Variants in LTBP1 observed in about 807,000 individuals in gnomAD.
The protein encoded by LTBP1 is latent-transforming growth factor beta-binding protein 1.
In LTBP1, 129 loss-of-function variants were observed where a neutral mutation model predicts 207.6. The observed-to-expected ratio is 0.62, with a 90% confidence interval of 0.54 to 0.72. LTBP1 has a LOEUF of 0.72. Among genes scored for constraint, LTBP1 ranks in the 30% least tolerant of loss-of-function variants. The probability of loss-of-function intolerance (pLI) is 0.00; values close to 1 mark genes in which losing one functional copy is unlikely to be tolerated. For synonymous variants in LTBP1, 963 were observed against 833.7 expected (o/e 1.16, Z -2.67); for missense variants, 2,281 against 2,217.2 (o/e 1.03, Z -0.58).
At chr2:33,299,967 A>T (rs74570389) in intron 20 of LTBP1, among the ~76,000 whole-genome samples, 1 of 152,188 alleles carries the variant, frequency 6.6e-6, no homozygotes, top group Non-Finnish European at 1.5e-5. Context: ...AGAGTTCTTT[A>T]TACAACTGTT....
intron 16 of LTBP1, 53 bp from the exon 17 acceptor site, chr2:33,274,912 A>G: frequency 1.9e-6 from 3 of 1,573,078 alleles, no homozygotes; most frequent in Non-Finnish European, 2.6e-6. Context: ...GAACAGGGAA[A>G]CTAAGTTCTT....
rs1273606253 is a variant in LTBP1, at chr2:33,398,382, A to G, written c.5003A>G (p.Glu1668Gly). The change falls in exon 34 of 34, where the codon GAG (glutamate) becomes GGG (glycine). Residue 1668 changes from glutamate (E) to glycine (G), a missense_variant. By Grantham distance (98) the Glu-to-Gly change is moderately conservative (BLOSUM62 -2). This residue lies in a region of LTBP1 where 1,671 missense variants were observed against 1,634.8 expected (regional missense o/e 1.02). Transcript: ENST00000404816. ...ATTGCAGATGTAAATGAATGCGATG[A>G]GTTGAACAACCGGATGTCTCTCTGC... ...MTCVDVNECD[E>G]LNNRMSLCKN... 1 of 1,613,842 alleles carries G rather than the reference A, an allele frequency of 6.2e-7. No homozygotes were observed. Among genetic ancestry groups the G allele is most frequent in the Non-Finnish European group, 8.5e-7 (1 of 1,179,908 alleles).
chr2:33,343,915 A>G (rs919521122), intron 25 of LTBP1, among the ~76,000 whole-genome samples: 2 of 152,242 alleles, frequency 1.3e-5, no homozygotes, highest in Non-Finnish European at 2.9e-5. Context: ...TATCAAATTC[A>G]AGACTTTATA....
At chr2:33,209,517 CT>C (rs2090139913) in intron 7 of LTBP1, among the ~76,000 whole-genome samples, 1 of 152,186 alleles carries the variant, frequency 6.6e-6, no homozygotes, top group Admixed American at 6.6e-5. Flanking sequence ...CCATGTTGTG[CT>C]TCTTAAGCAG....
intron 5 of LTBP1, among the ~76,000 whole-genome samples, chr2:33,141,459 A>G (rs2082640474): frequency 6.6e-6 from 1 of 152,260 alleles, no homozygotes; most frequent in Non-Finnish European, 1.5e-5. Context: ...ATAAAAACAC[A>G]TTTTAAAAAT....
chr2:33,046,610 G>A (rs905067502), intron 3 of LTBP1, among the ~76,000 whole-genome samples: 26 of 152,170 alleles, frequency 1.7e-4, no homozygotes, highest in African/African-American at 6.3e-4. Context: ...TTGGTATCAG[G>A]ATGATGCTGG....
intron 5 of LTBP1, among the ~76,000 whole-genome samples, chr2:33,143,272 A>G (rs2082768983): frequency 6.6e-6 from 1 of 152,176 alleles, no homozygotes; most frequent in Non-Finnish European, 1.5e-5. Context: ...TGTTTCTTCC[A>G]CTACACTCTA....
intron 11 of LTBP1, 45 bp downstream of exon 11, chr2:33,252,889 T>C (rs751552238): frequency 3.3e-6 from 5 of 1,510,066 alleles, no homozygotes; most frequent in Non-Finnish European, 3.6e-6. Flanking sequence ...CCCAGCCACA[T>C]GAGTACACGG....
chr2:33,283,664 C>T (rs1179970486), intron 19 of LTBP1, among the ~76,000 whole-genome samples: 1 of 152,066 alleles, frequency 6.6e-6, no homozygotes, highest in Non-Finnish European at 1.5e-5. Flanking sequence ...TCTGGATCTC[C>T]TGACCTCGTG....
chr2:33,041,418 G>C (rs1573254781), intron 3 of LTBP1, among the ~76,000 whole-genome samples: 1 of 152,228 alleles, frequency 6.6e-6, no homozygotes, highest in East Asian at 1.9e-4. Flanking sequence ...CCAAGTAGCT[G>C]GGACTACAGG....
chr2:33,257,492 A>G lies in LTBP1; in HGVS notation c.2376A>G (p.Pro792=), dbSNP rs371500815. Residue 792 remains proline (P), a synonymous_variant, in exon 12 of 34, where the codon CCA becomes CCG. Coordinates refer to ENST00000404816, the MANE Select transcript of LTBP1 (RefSeq NM_206943.4). ...TGACCTTCTCCCGGGAACACGGGCC[A>G]GGAGTGGCGGAGCCAGAAGGTGAGA... ...EALTFSREHG[P]GVAEPEVATA... is the part of the protein sequence containing the mutation. The G allele has an allele frequency of 6.2e-7, 1 of 1,614,032 alleles. No individual in the cohort carries two copies. Among genetic ancestry groups the G allele is most frequent in the African/African-American group, 1.3e-5 (1 of 74,952 alleles).
chr2:32,957,862 T>TA (rs1422106609), intron 2 of LTBP1, among the ~76,000 whole-genome samples: 3 of 152,246 alleles, frequency 2.0e-5, no homozygotes, highest in Admixed American at 6.5e-5. Flanking sequence ...TCCTGCCTGT[T>TA]ACGGATTGAG....
intron 3 of LTBP1, among the ~76,000 whole-genome samples, chr2:33,037,894 T>A (rs2076001257): frequency 6.6e-6 from 1 of 152,106 alleles, no homozygotes; most frequent in Non-Finnish European, 1.5e-5. Context: ...ATTTTTAAAA[T>A]TTTTTGGAGA....
chr2:33,394,574 T>C (rs1303155714), intron 32 of LTBP1, among the ~76,000 whole-genome samples: 1 of 152,212 alleles, frequency 6.6e-6, no homozygotes, highest in Non-Finnish European at 1.5e-5. Flanking sequence ...CCTTTCCCCA[T>C]TTCTTGTTTT....
chr2:33,196,067 A>G (rs557432213), intron 7 of LTBP1, among the ~76,000 whole-genome samples: 25 of 152,254 alleles, frequency 1.6e-4, no homozygotes, highest in Non-Finnish European at 3.2e-4. Context: ...ACGACAGTAT[A>G]GTGTAAACAT....
chr2:32,954,416 C>T (rs1677704937), intron 2 of LTBP1, among the ~76,000 whole-genome samples: 1 of 152,134 alleles, frequency 6.6e-6, no homozygotes, highest in Admixed American at 6.5e-5. Context: ...CTAGGCCTCT[C>T]TCCTTGGCCT....
intron 2 of LTBP1, among the ~76,000 whole-genome samples, chr2:32,967,979 AGTTT>A (rs113343240): frequency 9.3e-5 from 14 of 151,128 alleles, no homozygotes; most frequent in African/African-American, 2.7e-4. Context: ...CATTTCTATC[AGTTT>A]GTTTGTTTGT....
intron 3 of LTBP1, among the ~76,000 whole-genome samples, chr2:33,055,298 A>G (rs1477673866): frequency 1.3e-5 from 2 of 152,304 alleles, no homozygotes. Flanking sequence ...ACAGGGGAGT[A>G]TGTTTTCTTA....
chr2:33,314,543 G>A (rs543232347), intron 23 of LTBP1, among the ~76,000 whole-genome samples: 4 of 152,250 alleles, frequency 2.6e-5, no homozygotes, highest in African/African-American at 9.6e-5. Flanking sequence ...GTGAGACCCT[G>A]TCTCTAAAAT....
Sources: gnomAD v4.1 joint callset for allele counts (sites outside exome capture counted in the v4.1 genomes callset) on GRCh38, gnomAD v4.1.1 for gene constraint, gnomAD v4.1.1 regional missense constraint, MANE v1.5 for transcripts, NCBI Gene and HGNC (gene_info 2026-07-23, HGNC 2026-07-21) for gene names.